NGEF: variants seen among roughly 807,000 people sequenced by gnomAD.
The protein encoded by NGEF is neuronal guanine nucleotide exchange factor, also known as ephexin-1.
NGEF carries 31 observed loss-of-function variants against 80.9 expected under a neutral mutation model. That is an observed-to-expected ratio of 0.38 (90% confidence interval 0.29 to 0.52). NGEF has a LOEUF of 0.52. NGEF is among the 20% of genes least tolerant of loss of function. The pLI is 0.84. For missense variants in NGEF, 709 were observed against 926.2 expected, an observed-to-expected ratio of 0.77 and a Z score of 3.04; for synonymous variants, 371 against 370.2, an observed-to-expected ratio of 1.00 and a Z score of -0.03.
intron 5 of NGEF, among the ~76,000 whole-genome samples, chr2:232,896,285 G>A (rs73995715): frequency 0.074 from 11,339 of 152,214 alleles, 526 homozygotes; most frequent in East Asian, 0.17. Context: ...AAGAGGCCAA[G>A]GGAGATTTAA....
intron 6 of NGEF, among the ~76,000 whole-genome samples, chr2:232,893,362 G>T (rs1210628264): frequency 6.6e-6 from 1 of 152,224 alleles, no homozygotes; most frequent in Non-Finnish European, 1.5e-5. Context: ...GGGTCCCCTG[G>T]GGGGTAGGGA....
chr2:232,961,646 C>T (rs1693955542), intron 3 of NGEF, among the ~76,000 whole-genome samples: 1 of 150,976 alleles, frequency 6.6e-6, no homozygotes, highest in Non-Finnish European at 1.5e-5. Context: ...GTGCCCGCCA[C>T]CACGCCCAGC....
At chr2:232,879,861 G>A (rs1446835596) in intron 14 of NGEF, among the ~76,000 whole-genome samples, 182 bp from the exon 15 acceptor site, 1 of 152,218 alleles carries the variant, frequency 6.6e-6, no homozygotes, top group East Asian at 1.9e-4. Context: ...ACCCCCATAA[G>A]CTGGGAGGTG....
intron 3 of NGEF, among the ~76,000 whole-genome samples, chr2:232,964,249 A>G (rs1286241678): frequency 1.3e-5 from 2 of 152,236 alleles, no homozygotes; most frequent in Non-Finnish European, 2.9e-5. Context: ...TATACACCCC[A>G]GAGAAATGAG....
At chr2:232,943,095 T>C (rs1409599922) in intron 3 of NGEF, among the ~76,000 whole-genome samples, 2 of 152,120 alleles carry the variant, frequency 1.3e-5, no homozygotes, top group Admixed American at 1.3e-4. Context: ...GTCAGTGGGC[T>C]GTCTAGGCCT....
intron 3 of NGEF, among the ~76,000 whole-genome samples, chr2:232,938,312 A>G (rs919417191): frequency 6.6e-6 from 1 of 152,222 alleles, no homozygotes; most frequent in Non-Finnish European, 1.5e-5. Flanking sequence ...GACAAATTGC[A>G]GCCATATCAC....
chr2:232,920,255 G>T (rs566676736), intron 5 of NGEF, 29 bp downstream of exon 5: 4 of 1,591,840 alleles, frequency 2.5e-6, no homozygotes, highest in Non-Finnish European at 3.4e-6. Flanking sequence ...TGTGCTGTGG[G>T]GGAGCCCCCG....
At chr2:232,880,068 CTG>C (rs1332321115) in intron 14 of NGEF, among the ~76,000 whole-genome samples, 5 of 151,856 alleles carry the variant, frequency 3.3e-5, no homozygotes, top group African/African-American at 1.2e-4. Context: ...CTGGCGTGGA[CTG>C]TGTCATTCAA....
chr2:232,900,324 TCACA>T lies in NGEF; in HGVS notation c.829-5412_829-5409del, dbSNP rs61726498. Among the ~76,000 whole-genome samples, 2 of 19,476 alleles carry T rather than the reference TCACA, an allele frequency of 1.0e-4. 1 individual carries two copies. The highest frequency in any genetic ancestry group is 4.8e-4 in the African/African-American group (2 of 4,160). 12.8% of individuals were successfully genotyped at this position (19,476 alleles called of 152,430 possible). On this transcript the variant is annotated intron_variant, in intron 5 of 14. Transcript: ENST00000264051. The stretch of plus-strand genomic sequence containing the variant: ...CATATACACGTTCACTCACATTCAC[TCACA>T]CACGCTCTCACAGTCACTCATACAC...
chr2:232,966,657 C>T (rs1373492410), intron 3 of NGEF, among the ~76,000 whole-genome samples: 1 of 152,204 alleles, frequency 6.6e-6, no homozygotes, highest in Non-Finnish European at 1.5e-5. Flanking sequence ...GTCACTCCCC[C>T]TTTCATCTAG....
At chr2:232,906,152 C>T (rs1238403614) in intron 5 of NGEF, among the ~76,000 whole-genome samples, 1 of 70,992 alleles carries the variant, frequency 1.4e-5, no homozygotes, top group Non-Finnish European at 3.0e-5. Flanking sequence ...CCACCCGCCC[C>T]GTCCGGGAGG....
chr2:232,977,803 T>C (rs62193962), intron 1 of NGEF, among the ~76,000 whole-genome samples: 35,667 of 152,036 alleles, frequency 0.23, 5,569 homozygotes, highest in Non-Finnish European at 0.34. Context: ...GAGCACGTCC[T>C]GAGGGGGATG....
At chr2:232,897,402 G>A (rs1391616459) in intron 5 of NGEF, among the ~76,000 whole-genome samples, 2 of 152,098 alleles carry the variant, frequency 1.3e-5, no homozygotes, top group African/African-American at 4.8e-5. Context: ...AAAGGAAACA[G>A]ACACAGAGAA....
At chr2:232,893,105 T>C in intron 6 of NGEF, 55 bp from the exon 7 acceptor site, 1 of 1,569,758 alleles carries the variant, frequency 6.4e-7, no homozygotes, top group Non-Finnish European at 8.7e-7. Context: ...GGTGGGGAAT[T>C]GTCTCACCAA....
rs1186433702 is a variant in NGEF at position 232,974,749 on chromosome 2, T to C, written c.142A>G (p.Ile48Val). ...KEETSQADQD[I>V]QDKEPHCHIP... ...TGGCAATGAGGCTCTTTGTCTTGGA[T>C]ATCCTGGTCAGCTTGAGAAGTCTCC... The change falls in exon 2 of 15, where the codon ATC (isoleucine) becomes GTC (valine). Residue 48 changes from isoleucine to valine, a missense_variant. Coordinates refer to ENST00000264051, the MANE Select transcript of NGEF (RefSeq NM_019850.3). The C allele has an allele frequency of 6.2e-7, 1 of 1,614,150 alleles. No homozygotes were observed. The highest frequency in any genetic ancestry group is 8.5e-7 in the Non-Finnish European group (1 of 1,180,062).
intron 5 of NGEF, among the ~76,000 whole-genome samples, chr2:232,916,580 A>T (rs1187914860): frequency 6.6e-6 from 1 of 152,276 alleles, no homozygotes; most frequent in Non-Finnish European, 1.5e-5. Context: ...TAGATAAAGC[A>T]ATGGAAACAG....
chr2:232,906,964 A>G lies in NGEF; in HGVS notation c.829-12048T>C, dbSNP rs1420815290. Among the ~76,000 whole-genome samples the G allele has an allele frequency of 1.5e-4, 23 of 150,918 alleles. No individual in the cohort carries two copies. The South Asian group carries it at 4.8e-3, about 32-fold the overall frequency. On this transcript the variant is annotated intron_variant, in intron 5 of 14. Transcript: ENST00000264051. Reference sequence around the variant, plus strand: ...AGGGCGGTGCAAGATGTGCTTTGTTAAACAGATGCTTGAAGGCAGCATGCT... The same window carrying G: ...AGGGCGGTGCAAGATGTGCTTTGTTGAACAGATGCTTGAAGGCAGCATGCT...
At chr2:232,948,935 T>C (rs1693617999) in intron 3 of NGEF, among the ~76,000 whole-genome samples, 1 of 152,016 alleles carries the variant, frequency 6.6e-6, no homozygotes, top group African/African-American at 2.4e-5. Flanking sequence ...GGAGAATCGC[T>C]TGAATCCAGG....
rs1349778834 is a variant in NGEF at position 232,995,209 on chromosome 2, T to C, written c.-75+17859A>G. ...TATGCTGTGTACAGTATGTATACTG[T>C]ATATGTGTACAGTATGTATGCTGTG... On this transcript the variant is annotated intron_variant, in intron 1 of 14. Coordinates refer to ENST00000264051, the MANE Select transcript of NGEF (RefSeq NM_019850.3). Among the ~76,000 whole-genome samples the C allele has an allele frequency of 1.3e-4, 4 of 31,872 alleles. 1 individual carries two copies. The highest frequency in any genetic ancestry group is 4.5e-4 in the African/African-American group (4 of 8,832). The allele number at this position is 31,872 out of a possible 152,430, so 20.9% of individuals were successfully genotyped here. A position where few individuals can be genotyped will look rare whatever the true frequency, so the allele number is the denominator to read the frequency against.
Sources: allele counts gnomAD v4.1 joint callset (sites outside exome capture counted in the v4.1 genomes callset), GRCh38; gene constraint gnomAD v4.1.1; transcripts MANE v1.5; gene names NCBI Gene and HGNC (gene_info 2026-07-23, HGNC 2026-07-21).